Variants in MLLT1 observed in about 807,000 individuals in gnomAD.
The protein encoded by MLLT1 is protein ENL.
A neutral mutation model predicts 55.1 loss-of-function variants in MLLT1; 11 were observed. The ratio of observed to expected loss-of-function variants is 0.20; its 90% CI spans 0.13 to 0.33. The LOEUF (loss-of-function observed/expected upper bound fraction) is 0.33. MLLT1 is among the 10% of genes least tolerant of loss of function. The pLI is 1.00. For synonymous variants in MLLT1, 323 were observed against 320.1 expected (o/e 1.01, Z -0.10); for missense variants, 536 against 760.6 (o/e 0.70, Z 3.47).
rs1050304331 is a variant in MLLT1 at position 6,262,662 on chromosome 19, G to A, written c.194-352C>T. Among the ~76,000 whole-genome samples, 2 of 152,040 alleles carry A rather than the reference G, an allele frequency of 1.3e-5. No individual in the cohort carries two copies. The highest frequency in any genetic ancestry group is 2.1e-4 in the South Asian group (1 of 4,820). ...AGTTTGCCCGACTCAGGTGGATGTC[G>A]GTAAGCGTGACCTGGGTGAGGTGTG... On this transcript the variant is annotated intron_variant, in intron 2 of 11. Coordinates refer to ENST00000252674, the MANE Select transcript of MLLT1 (RefSeq NM_005934.4). The surrounding 1 kb of genome is among the most constrained non-coding windows in gnomAD (Gnocchi z 4.4).
chr19:6,238,610 G>C (rs963112103), intron 3 of MLLT1, among the ~76,000 whole-genome samples: 1 of 152,236 alleles, frequency 6.6e-6, no homozygotes, highest in Non-Finnish European at 1.5e-5. Flanking sequence ...CTGCCTCACA[G>C]CTCTCAATTT....
At position 6,273,440 on chromosome 19, in the gene MLLT1, C is replaced by T. The variant is rs997451945; in HGVS notation, c.13-2681G>A. On this transcript the variant is annotated intron_variant, in intron 1 of 11. Transcript: ENST00000252674. The surrounding 1 kb of genome is among the most constrained non-coding windows in gnomAD (Gnocchi z 4.3). ...GCGCACTCATAAACCCCCGGCGCTG[C>T]GGATTCATGAGGATCTCAGGTAAAA... Among the ~76,000 whole-genome samples, 4 of 152,134 alleles carry T rather than the reference C, an allele frequency of 2.6e-5. No individual in the cohort carries two copies. Among genetic ancestry groups the T allele is most frequent in the South Asian group, 2.1e-4 (1 of 4,824 alleles).
At chr19:6,276,394 G>A (rs1600223164) in intron 1 of MLLT1, among the ~76,000 whole-genome samples, 2 of 152,236 alleles carry the variant, frequency 1.3e-5, no homozygotes, top group Non-Finnish European at 2.9e-5. Context: ...TGGGCCCCTG[G>A]CATCAGAAAC....
At chr19:6,223,172 C>T (rs1205217475) in intron 5 of MLLT1, among the ~76,000 whole-genome samples, 1 of 152,168 alleles carries the variant, frequency 6.6e-6, no homozygotes, top group Non-Finnish European at 1.5e-5. Context: ...CGGTCACTCA[C>T]GGGCTTCCTT....
chr19:6,248,292 G>A (rs984609099), intron 3 of MLLT1, among the ~76,000 whole-genome samples: 47 of 152,348 alleles, frequency 3.1e-4, no homozygotes, highest in African/African-American at 1.1e-3. Context: ...CAGCTTCAAA[G>A]TATCTCTCCC....
At position 6,262,180 on chromosome 19, in the gene MLLT1, G is replaced by A; in HGVS notation, c.276+48C>T. 6.7e-7 allele frequency: 1 copy of A among 1,501,950 alleles called. No homozygotes were observed. The highest frequency in any genetic ancestry group is 2.3e-5 in the East Asian group (1 of 44,374). 93.0% of individuals were successfully genotyped at this position (1,501,950 alleles called of 1,614,324 possible). A position where few individuals can be genotyped will look rare whatever the true frequency, so the allele number is the denominator to read the frequency against. Reference sequence around the variant, plus strand: ...GTGAACTGCCGTGGCACCCGGAGCAGGGGTCCCCACAGAGAGGCATCCTGC... The same window carrying A: ...GTGAACTGCCGTGGCACCCGGAGCAAGGGTCCCCACAGAGAGGCATCCTGC... On this transcript the variant is annotated intron_variant, in intron 3 of 11. Coordinates refer to ENST00000252674, the MANE Select transcript of MLLT1 (RefSeq NM_005934.4). This position sits in a 1 kb window ranked among gnomAD's most constrained non-coding sequence, Gnocchi z 4.4.
intron 3 of MLLT1, among the ~76,000 whole-genome samples, chr19:6,252,556 A>G (rs923705433): frequency 1.3e-5 from 2 of 152,208 alleles, no homozygotes; most frequent in African/African-American, 4.8e-5. Flanking sequence ...AACACAATAT[A>G]TCGAAACATA....
rs145537452 is a variant in MLLT1, at chr19:6,267,881, C to A, written c.193+2698G>T. 8.8e-3 allele frequency among the ~76,000 whole-genome samples: 1,334 copies of A among 152,220 alleles called. 24 individuals are homozygous for A. The highest frequency in any genetic ancestry group is 0.031 in the African/African-American group (1,267 of 41,528). On this transcript the variant is annotated intron_variant, in intron 2 of 11. Coordinates refer to ENST00000252674, the MANE Select transcript of MLLT1 (RefSeq NM_005934.4). ...GGCCTTGCCCTCCTCAGTGGAGAGT[C>A]AGAAAACACTAACAAAAGCTGACCA...
intron 3 of MLLT1, among the ~76,000 whole-genome samples, chr19:6,248,290 A>G (rs2091185512): frequency 1.3e-5 from 2 of 152,224 alleles, no homozygotes; most frequent in Admixed American, 1.3e-4. Flanking sequence ...CACAGCTTCA[A>G]AGTATCTCTC....
intron 3 of MLLT1, among the ~76,000 whole-genome samples, chr19:6,236,334 G>GT (rs1171822040): frequency 6.6e-6 from 1 of 152,192 alleles, no homozygotes. Flanking sequence ...GGTTCCTGGT[G>GT]TCCCCCCGTC....
intron 2 of MLLT1, among the ~76,000 whole-genome samples, chr19:6,268,236 T>A (rs2091365101): frequency 1.3e-5 from 2 of 152,148 alleles, no homozygotes; most frequent in African/African-American, 4.8e-5. Context: ...CAGGCTCACA[T>A]CATCATTCAA....
Position 6,222,141 on chromosome 19 carries a change from C to G in MLLT1, c.1090G>C (p.Glu364Gln). The change falls in exon 6 of 12, where the codon GAG becomes CAG. Residue 364 changes from glutamate (E) to glutamine (Q), a missense_variant. Around this residue, in one of 3 missense-constraint regions of MLLT1, gnomAD observed 449 missense variants for 489.0 expected, o/e 0.92. Coordinates refer to ENST00000252674, the MANE Select transcript of MLLT1 (RefSeq NM_005934.4). The surrounding 1 kb of genome is among the most constrained non-coding windows in gnomAD (Gnocchi z 4.1). ...LEVEESNSED[E>Q]ASFKSESAQS... ...CTCACCTCGGACTTGAAGGAGGCCT[C>G]GTCCTCTGAGTTGGACTCCTCCACC... The G allele has an allele frequency of 6.5e-7, 1 of 1,532,588 alleles. No individual in the cohort carries two copies. Among genetic ancestry groups the G allele is most frequent in the Non-Finnish European group, 8.8e-7 (1 of 1,137,980 alleles). 94.9% of individuals were successfully genotyped at this position (1,532,588 alleles called of 1,614,324 possible).
chr19:6,239,797 TACAC>T (rs1327502399), intron 3 of MLLT1, among the ~76,000 whole-genome samples: 2 of 151,982 alleles, frequency 1.3e-5, no homozygotes, highest in Admixed American at 6.6e-5. Flanking sequence ...CCTGTACACA[TACAC>T]ACTCACATGC....
At chr19:6,271,949 C>T (rs922040828) in intron 1 of MLLT1, among the ~76,000 whole-genome samples, 4 of 152,234 alleles carry the variant, frequency 2.6e-5, no homozygotes, top group African/African-American at 7.2e-5. Context: ...TTTGGCATTT[C>T]GAGGCCCCGT....
chr19:6,274,043 G>A lies in MLLT1; in HGVS notation c.13-3284C>T, dbSNP rs117773563. Reference sequence around the variant, plus strand: ...GCCGGCAGGCCGGGCCCAAAGTGCTGCCCAGGCGACACTGATGCCCTGGGG... The same window carrying A: ...GCCGGCAGGCCGGGCCCAAAGTGCTACCCAGGCGACACTGATGCCCTGGGG... On this transcript the variant is annotated intron_variant, in intron 1 of 11. Transcript: ENST00000252674. Among the ~76,000 whole-genome samples, 451 of 152,358 alleles carry A rather than the reference G, an allele frequency of 3.0e-3. 3 individuals are homozygous for A. In the East Asian group the frequency reaches 0.043, roughly 14 times the overall value.
chr19:6,212,960 C>T lies in MLLT1; in HGVS notation c.*82G>A, dbSNP rs373623171. On this transcript the variant is annotated 3_prime_UTR_variant, in exon 12 of 12. Transcript: ENST00000252674. ...TCGCTAAGGCAGTGCTGCGGGCAGG[C>T]GAGACGGGAGAGGAGGGCAGGCGAG... The T allele has an allele frequency of 3.3e-5, 51 of 1,544,404 alleles. No homozygotes were observed. The East Asian group carries it at 4.5e-4, about 14-fold the overall frequency.
At chr19:6,277,313 TC>T (rs2091432924) in intron 1 of MLLT1, among the ~76,000 whole-genome samples, 1 of 152,204 alleles carries the variant, frequency 6.6e-6, no homozygotes, top group Non-Finnish European at 1.5e-5. Flanking sequence ...AGGAGCAGCT[TC>T]CCTTGCAAAC....
intron 8 of MLLT1, among the ~76,000 whole-genome samples, chr19:6,214,308 C>T (rs1004821392): frequency 5.6e-4 from 86 of 152,298 alleles, no homozygotes; most frequent in Admixed American, 6.5e-4. Flanking sequence ...GGACACAAAG[C>T]CCCCCAGCCA....
chr19:6,257,228 C>CT (rs1459337933), intron 3 of MLLT1, among the ~76,000 whole-genome samples: 1 of 152,106 alleles, frequency 6.6e-6, no homozygotes, highest in Non-Finnish European at 1.5e-5. Flanking sequence ...ATTATCAGGG[C>CT]TGGGTGCGGC....
Sources: allele counts gnomAD v4.1 joint callset (sites outside exome capture counted in the v4.1 genomes callset), GRCh38; gene constraint gnomAD v4.1.1; regional missense constraint gnomAD v4.1.1; non-coding constraint Gnocchi (gnomAD v3.1); transcripts MANE v1.5; gene names NCBI Gene and HGNC (gene_info 2026-07-23, HGNC 2026-07-21).